Variants in VIPR2 observed in about 807,000 individuals in gnomAD.
VIPR2 encodes vasoactive intestinal polypeptide receptor 2.
Under a neutral mutation model 58.0 loss-of-function variants are expected in VIPR2, and 48 were observed. That is an observed-to-expected ratio of 0.83 (90% CI 0.66 to 1.05). The LOEUF (loss-of-function observed/expected upper bound fraction) is 1.05, where lower values mean the gene tolerates loss of function less well. Ranked by LOEUF, VIPR2 falls within the 50% of genes least tolerant of loss-of-function variation. The pLI, the probability that VIPR2 is intolerant of heterozygous loss-of-function variation, is 0.00. For missense variants in VIPR2, 534 were observed against 558.0 expected, an observed-to-expected ratio of 0.96 and a Z score of 0.43; for synonymous variants, 243 against 235.2, an observed-to-expected ratio of 1.03 and a Z score of -0.30.
intron 4 of VIPR2, among the ~76,000 whole-genome samples, chr7:159,100,744 G>T (rs957852312): frequency 6.6e-6 from 1 of 151,452 alleles, no homozygotes; most frequent in Admixed American, 6.6e-5. Flanking sequence ...AGGCGGTTCC[G>T]ACTGTTCCTG....
At chr7:159,112,562 G>A (rs1362664344) in intron 2 of VIPR2, among the ~76,000 whole-genome samples, 1 of 152,262 alleles carries the variant, frequency 6.6e-6, no homozygotes, top group East Asian at 1.9e-4. Flanking sequence ...AAATAGGCAG[G>A]CAGAGGAGGG....
chr7:159,112,986 G>T (rs1445346524), intron 2 of VIPR2, among the ~76,000 whole-genome samples: 3 of 152,214 alleles, frequency 2.0e-5, no homozygotes, highest in African/African-American at 7.2e-5. Flanking sequence ...CACAATGCCT[G>T]CCTGGGGCCA....
At chr7:159,101,784 G>A (rs1045144109) in intron 4 of VIPR2, among the ~76,000 whole-genome samples, 2 of 138,034 alleles carry the variant, frequency 1.4e-5, no homozygotes, top group African/African-American at 2.9e-5. Flanking sequence ...GACAGTGAAC[G>A]GGTCTCACGA....
intron 2 of VIPR2, among the ~76,000 whole-genome samples, chr7:159,112,266 G>A (rs1796043924): frequency 6.6e-6 from 1 of 152,220 alleles, no homozygotes; most frequent in African/African-American, 2.4e-5. Context: ...CGCACGTGAG[G>A]GAGCAGAGCT....
intron 2 of VIPR2, among the ~76,000 whole-genome samples, chr7:159,141,206 T>A (rs1238997124): frequency 6.6e-6 from 1 of 152,220 alleles, no homozygotes; most frequent in African/African-American, 2.4e-5. Context: ...GCATCAGCAT[T>A]TCCCAGGACA....
In VIPR2 at chr7:159,086,465, C is replaced by T. The variant is rs146383647; in HGVS notation, c.357+17292G>A. ...AAAAGCTGTGACAGCCTGGATCCTG[C>T]ACCATGGCTGCATGGCTGAGACCTG... On this transcript the variant is annotated intron_variant, in intron 4 of 12. Coordinates refer to ENST00000262178, the MANE Select transcript of VIPR2 (RefSeq NM_003382.5). 1.5e-3 allele frequency among the ~76,000 whole-genome samples: 234 copies of T among 152,350 alleles called. 2 individuals are homozygous for T. The East Asian group carries it at 0.017, about 11-fold the overall frequency.
At position 159,142,512 on chromosome 7, in the gene VIPR2, G is replaced by C; in HGVS notation, c.85C>G (p.Leu29Val). ...NSIHPECRFHLEIQEEETKCA... is the reference protein window; with the variant it reads ...NSIHPECRFHVEIQEEETKCA... Reference sequence around the variant, plus strand: ...TTTGTTTCTTCCTCCTGTATTTCCAGATGAAATCGGCATTCTGGGTGAATG... The same window carrying C: ...TTTGTTTCTTCCTCCTGTATTTCCACATGAAATCGGCATTCTGGGTGAATG... Residue 29 changes from leucine to valine, a missense_variant, in exon 2 of 13, where the codon CTG (leucine) becomes GTG (valine). Physicochemically the swap from Leu to Val is conservative, Grantham distance 32. This residue lies in a region of VIPR2 where 224 missense variants were observed against 255.7 expected (regional missense o/e 0.88). Transcript: ENST00000262178. The C allele has an allele frequency of 6.2e-7, 1 of 1,613,900 alleles. No individual in the cohort carries two copies. The highest frequency in any genetic ancestry group is 1.1e-5 in the South Asian group (1 of 91,062).
chr7:159,056,598 T>C (rs1165416279), intron 5 of VIPR2, among the ~76,000 whole-genome samples: 1 of 152,164 alleles, frequency 6.6e-6, no homozygotes, highest in South Asian at 2.1e-4. Flanking sequence ...GCGTCAACAC[T>C]GCACACTTTG....
At chr7:159,079,423 G>A (rs1296712885) in intron 4 of VIPR2, among the ~76,000 whole-genome samples, 4 of 152,010 alleles carry the variant, frequency 2.6e-5, no homozygotes, top group South Asian at 2.1e-4. Context: ...TGAAACCAAC[G>A]AGAACAAAGA....
intron 5 of VIPR2, among the ~76,000 whole-genome samples, chr7:159,048,352 A>G (rs530719465): frequency 6.6e-6 from 1 of 152,356 alleles, no homozygotes; most frequent in South Asian, 2.1e-4. Flanking sequence ...TAATGTGGAT[A>G]TGAATAGTAA....
At chr7:159,132,694 C>G (rs1326796474) in intron 2 of VIPR2, among the ~76,000 whole-genome samples, 28 of 152,030 alleles carry the variant, frequency 1.8e-4, no homozygotes, top group Non-Finnish European at 2.8e-4. Flanking sequence ...CACGGACGGG[C>G]TCATTCAAGA....
At position 159,030,554 on chromosome 7, in the gene VIPR2, C is replaced by G. The variant is rs2129492639; in HGVS notation, c.*62G>C. On this transcript the variant is annotated 3_prime_UTR_variant, in exon 13 of 13. Transcript: ENST00000262178. ...GCATCTGGAAGGAGGAAGCCGGCGT[C>G]TCAGCCCCGCAGAAGCCCCGAACCG... The G allele has an allele frequency of 6.8e-7, 1 of 1,468,102 alleles. No homozygotes were observed. The highest frequency in any genetic ancestry group is 2.6e-5 in the East Asian group (1 of 38,760). 90.9% of individuals were successfully genotyped at this position (1,468,102 alleles called of 1,614,324 possible). A position where few individuals can be genotyped will look rare whatever the true frequency, so the allele number is the denominator to read the frequency against.
chr7:159,105,720 T>C (rs778634904), intron 3 of VIPR2, among the ~76,000 whole-genome samples: 1 of 152,100 alleles, frequency 6.6e-6, no homozygotes, highest in Admixed American at 6.5e-5. Context: ...AGAGACCCCA[T>C]ACACGGTAGA....
At chr7:159,037,527 T>A (rs554224098) in intron 6 of VIPR2, among the ~76,000 whole-genome samples, 30 of 152,346 alleles carry the variant, frequency 2.0e-4, no homozygotes, top group African/African-American at 4.8e-4. Flanking sequence ...ACTTTTTTTT[T>A]AAATTTTTGA....
chr7:159,051,655 T>C (rs1487997058), intron 5 of VIPR2, among the ~76,000 whole-genome samples: 2 of 152,154 alleles, frequency 1.3e-5, no homozygotes, highest in African/African-American at 2.4e-5. Context: ...ACATTTAATA[T>C]AAAACACAGG....
intron 2 of VIPR2, among the ~76,000 whole-genome samples, chr7:159,131,363 T>G (rs1796908136): frequency 6.6e-6 from 1 of 152,172 alleles, no homozygotes; most frequent in South Asian, 2.1e-4. Flanking sequence ...TACAAGCTTG[T>G]CTTCCCAGGT....
intron 2 of VIPR2, among the ~76,000 whole-genome samples, 157 bp from the exon 3 acceptor site, chr7:159,110,076 C>T (rs1300500947): frequency 6.6e-6 from 1 of 152,246 alleles, no homozygotes; most frequent in Non-Finnish European, 1.5e-5. Flanking sequence ...GTGGGTTCAT[C>T]TCAATTAGCT....
intron 4 of VIPR2, among the ~76,000 whole-genome samples, chr7:159,101,841 G>A (rs144830726): frequency 0.027 from 2,896 of 108,020 alleles, 22 homozygotes; most frequent in Non-Finnish European, 0.036. Flanking sequence ...TAGTGAACGG[G>A]TCTCACGAGA....
At chr7:159,118,130 G>A (rs752503220) in intron 2 of VIPR2, among the ~76,000 whole-genome samples, 4 of 152,152 alleles carry the variant, frequency 2.6e-5, no homozygotes, top group African/African-American at 9.7e-5. Context: ...TGAAGGATGA[G>A]CCACTCTCTT....
Sources: allele counts gnomAD v4.1 joint callset (sites outside exome capture counted in the v4.1 genomes callset), GRCh38; gene constraint gnomAD v4.1.1; regional missense constraint gnomAD v4.1.1; transcripts MANE v1.5; gene names NCBI Gene and HGNC (gene_info 2026-07-23, HGNC 2026-07-21).